Variants in FGF13 observed in about 807,000 individuals in gnomAD.
FGF13 encodes the protein fibroblast growth factor homologous factor 2.
FGF13 carries 2 observed loss-of-function variants against 19.5 expected under a neutral mutation model. The observed-to-expected ratio is 0.10, with a 90% CI of 0.04 to 0.32. FGF13 has a LOEUF of 0.32. Among genes scored for constraint, FGF13 ranks in the 10% least tolerant of loss-of-function variants. FGF13 has a pLI of 1.00. For synonymous variants in FGF13, 72 were observed against 76.9 expected, an observed-to-expected ratio of 0.94 and a Z score of 0.33; for missense variants, 113 against 192.7, an observed-to-expected ratio of 0.59 and a Z score of 2.45.
intron 1 of FGF13, among the ~76,000 whole-genome samples, chrX:139,042,354 T>G (rs1178628578): frequency 9.0e-6 from 1 of 111,610 alleles, no homozygotes; most frequent in Non-Finnish European, 1.9e-5. Flanking sequence ...ATCCCAAGAA[T>G]GGAGTGCTGT....
At chrX:138,946,216 T>C (rs2091781178) in intron 1 of FGF13, among the ~76,000 whole-genome samples, 1 of 111,734 alleles carries the variant, frequency 8.9e-6, no homozygotes, top group South Asian at 3.7e-4. Context: ...AGCACATGAT[T>C]GATTTCCAAT....
chrX:139,051,942 T>TA (rs1296864370), intron 1 of FGF13, among the ~76,000 whole-genome samples: 1 of 112,548 alleles, frequency 8.9e-6, no homozygotes, highest in Non-Finnish European at 1.9e-5. Flanking sequence ...AAATTACAAG[T>TA]CTCTGAAGCT....
intron 3 of FGF13, among the ~76,000 whole-genome samples, chrX:138,698,610 A>T (rs1206609376): frequency 9.0e-6 from 1 of 111,682 alleles, no homozygotes; most frequent in Non-Finnish European, 1.9e-5. Flanking sequence ...TGGTTTTCAT[A>T]AGCATTAGCT....
intron 1 of FGF13, among the ~76,000 whole-genome samples, chrX:139,028,724 CGT>C (rs1411444510): frequency 3.4e-5 from 3 of 87,306 alleles, no homozygotes; most frequent in African/African-American, 1.2e-4. Flanking sequence ...AGAGAGAGAG[CGT>C]GTGTGTGTGT....
At chrX:138,992,445 C>T in intron 1 of FGF13, among the ~76,000 whole-genome samples, 1 of 111,196 alleles carries the variant, frequency 9.0e-6, no homozygotes. Context: ...AAGAGGAAAT[C>T]ACCCATATTT....
chrX:139,162,225 A>AG (rs1313788966), intron 1 of FGF13, among the ~76,000 whole-genome samples: 5 of 112,016 alleles, frequency 4.5e-5, no homozygotes, highest in Admixed American at 2.8e-4. Flanking sequence ...AACAGAACAC[A>AG]GCCTCAGAAA....
intron 1 of FGF13, among the ~76,000 whole-genome samples, chrX:138,931,839 A>G (rs2124259733): frequency 8.9e-6 from 1 of 112,345 alleles, no homozygotes; most frequent in African/African-American, 3.2e-5. Flanking sequence ...CAGCATTCAA[A>G]TATAGATTTA....
At chrX:138,823,892 A>G (rs944604162) in intron 3 of FGF13, among the ~76,000 whole-genome samples, 1 of 112,195 alleles carries the variant, frequency 8.9e-6, no homozygotes, top group Non-Finnish European at 1.9e-5. Flanking sequence ...TATAGGGAAT[A>G]GGTGAAGCAT....
rs1389025205 is a variant in FGF13, at chrX:138,625,218, T to C, written c.*7632A>G. On this transcript the variant is annotated 3_prime_UTR_variant, in exon 5 of 5. Coordinates refer to ENST00000315930, the MANE Select transcript of FGF13 (RefSeq NM_004114.5). ...GGCAAGGAGGTATTCTTGTACACTG[T>C]TTATGGGAATGTAAATTAGTAAGCC... 9.1e-6 allele frequency: 1 copy of C among 109,728 alleles called. No individual in the cohort carries two copies. The allele number at this position is 109,728 out of a possible 1,213,427, so 9.0% of individuals were successfully genotyped here.
chrX:139,034,555 G>C (rs1431067370), intron 1 of FGF13, among the ~76,000 whole-genome samples: 17 of 111,331 alleles, frequency 1.5e-4, no homozygotes. Flanking sequence ...TAGGGGCCCA[G>C]TTTTAGAGAT....
At chrX:138,826,007 C>T (rs1317049513) in intron 3 of FGF13, among the ~76,000 whole-genome samples, 1 of 111,414 alleles carries the variant, frequency 9.0e-6, no homozygotes, top group Non-Finnish European at 1.9e-5. Flanking sequence ...GACGTCTAGA[C>T]CTCCAATTAT....
intron 1 of FGF13, among the ~76,000 whole-genome samples, chrX:138,885,088 A>G (rs1039298546): frequency 2.7e-5 from 3 of 112,189 alleles, no homozygotes; most frequent in African/African-American, 9.7e-5. Context: ...ATTAGCTTCT[A>G]AAATTATGTT....
At chrX:138,652,755 A>G (rs1305240525) in intron 3 of FGF13, among the ~76,000 whole-genome samples, 1 of 112,130 alleles carries the variant, frequency 8.9e-6, no homozygotes, top group Non-Finnish European at 1.9e-5. Flanking sequence ...ATGAAAGGCT[A>G]TTCACAAAAA....
intron 1 of FGF13, among the ~76,000 whole-genome samples, chrX:138,962,919 C>T (rs937128955): frequency 9.0e-6 from 1 of 111,384 alleles, no homozygotes. Flanking sequence ...GGGTGCAGCA[C>T]ACCAACATGG....
At chrX:138,723,485 C>T (rs907497237) in intron 1 of FGF13, among the ~76,000 whole-genome samples, 2 of 111,175 alleles carry the variant, frequency 1.8e-5, no homozygotes, top group Non-Finnish European at 3.8e-5. Context: ...TTTGCGCATT[C>T]TGCTGATTAA....
At chrX:139,018,374 T>TA (rs2092162929) in intron 1 of FGF13, among the ~76,000 whole-genome samples, 1 of 111,634 alleles carries the variant, frequency 9.0e-6, no homozygotes, top group African/African-American at 3.3e-5. Flanking sequence ...CAGCTTGCAT[T>TA]AAAGACAAAT....
intron 3 of FGF13, among the ~76,000 whole-genome samples, chrX:138,806,106 T>C (rs2124011479): frequency 1.8e-5 from 2 of 112,205 alleles, no homozygotes; most frequent in East Asian, 2.8e-4. Flanking sequence ...AATCATTTAG[T>C]TCAGTGGCAT....
At position 139,028,702 on chromosome X, in the gene FGF13, TGTGTGTGAGA is replaced by T. The variant is rs1401303590; in HGVS notation, c.-112-164062_-112-164053del. On this transcript the variant is annotated intron_variant, in intron 1 of 2. Coordinates refer to the FGF13 transcript ENST00000421460. ...GTGTGAAAGACAGTGTGTGTGTGTGTGTGTGTGAGAGAGAGAGAGAGCGTGTGTGTGTGTG... is the reference window on the plus strand; with the variant it reads ...GTGTGAAAGACAGTGTGTGTGTGTGTGAGAGAGAGAGCGTGTGTGTGTGTG... 2.7e-4 allele frequency among the ~76,000 whole-genome samples: 27 copies of T among 100,493 alleles called. 2 individuals carry two copies. The highest frequency in any genetic ancestry group is 9.9e-5 in the Non-Finnish European group (5 of 50,351). 87.3% of individuals were successfully genotyped at this position (100,493 alleles called of 115,157 possible). A position where few individuals can be genotyped will look rare whatever the true frequency, so the allele number is the denominator to read the frequency against.
chrX:138,780,644 G>A (rs2090633028), intron 3 of FGF13, among the ~76,000 whole-genome samples: 1 of 98,842 alleles, frequency 1.0e-5, no homozygotes, highest in African/African-American at 3.8e-5. Flanking sequence ...ACCCAATACA[G>A]GAGCACCCAG....
Sources: allele counts gnomAD v4.1 joint callset (sites outside exome capture counted in the v4.1 genomes callset), GRCh38; gene constraint gnomAD v4.1.1; transcripts MANE v1.5; gene names NCBI Gene and HGNC (gene_info 2026-07-23, HGNC 2026-07-21).